THSD7B: variants seen among roughly 807,000 people sequenced by gnomAD.
THSD7B encodes thrombospondin type-1 domain-containing protein 7B.
THSD7B carries 138 observed loss-of-function variants against 213.6 expected under a neutral mutation model. The observed-to-expected ratio is 0.65, with a 90% CI of 0.56 to 0.74. The LOEUF is 0.74. THSD7B is among the 30% of genes least tolerant of loss of function. The pLI is 0.00. For missense variants in THSD7B, 1,931 were observed against 1,991.5 expected, an observed-to-expected ratio of 0.97 and a Z score of 0.58; for synonymous variants, 742 against 687.0, an observed-to-expected ratio of 1.08 and a Z score of -1.25.
intron 3 of THSD7B, among the ~76,000 whole-genome samples, chr2:137,076,095 C>A (rs979189144): frequency 2.0e-5 from 3 of 152,160 alleles, no homozygotes; most frequent in Non-Finnish European, 4.4e-5. Context: ...CTGGGAGAAC[C>A]ACTGCTCTCT....
chr2:137,047,184 C>T (rs1361827085), intron 2 of THSD7B, among the ~76,000 whole-genome samples: 8 of 152,048 alleles, frequency 5.3e-5, no homozygotes, highest in Non-Finnish European at 8.8e-5. Context: ...CAATGGTCTG[C>T]GCCAAGGTTG....
chr2:137,313,894 T>A (rs147561885), intron 12 of THSD7B, among the ~76,000 whole-genome samples: 8,740 of 152,294 alleles, frequency 0.057, 993 homozygotes, highest in East Asian at 0.52. Flanking sequence ...TCTGATGGGC[T>A]TCCCTTTGAG....
At chr2:136,846,619 A>C (rs1462561331) in intron 1 of THSD7B, among the ~76,000 whole-genome samples, 1 of 152,176 alleles carries the variant, frequency 6.6e-6, no homozygotes, top group African/African-American at 2.4e-5. Context: ...ATTCATACAG[A>C]GTGCAGGCAA....
intron 12 of THSD7B, among the ~76,000 whole-genome samples, chr2:137,322,969 T>C (rs1406866636): frequency 6.6e-6 from 1 of 152,200 alleles, no homozygotes; most frequent in Non-Finnish European, 1.5e-5. Context: ...GGAAAGTCAT[T>C]CCAAAGCTCT....
At chr2:136,790,740 A>C (rs1167478402) in intron 1 of THSD7B, among the ~76,000 whole-genome samples, 1 of 152,118 alleles carries the variant, frequency 6.6e-6, no homozygotes, top group African/African-American at 2.4e-5. Flanking sequence ...CAGAGAAAAA[A>C]TACAGATCAA....
chr2:137,438,938 G>A (rs972097626), intron 14 of THSD7B, among the ~76,000 whole-genome samples: 1 of 152,014 alleles, frequency 6.6e-6, no homozygotes, highest in Non-Finnish European at 1.5e-5. Flanking sequence ...CCTTACAAGA[G>A]AAAAGAGAAA....
At chr2:137,262,419 C>A (rs1383370160) in intron 10 of THSD7B, among the ~76,000 whole-genome samples, 1 of 151,630 alleles carries the variant, frequency 6.6e-6, no homozygotes, top group Admixed American at 6.6e-5. Context: ...GCTATAGTCA[C>A]TCCCTCTGCT....
intron 17 of THSD7B, among the ~76,000 whole-genome samples, chr2:137,598,847 C>CT (rs1255020501): frequency 1.3e-5 from 2 of 148,412 alleles, no homozygotes; most frequent in African/African-American, 2.5e-5. Context: ...TTCCTCCCTT[C>CT]TTTTTTTTCT....
intron 1 of THSD7B, among the ~76,000 whole-genome samples, chr2:136,845,420 T>A (rs900714741): frequency 3.3e-5 from 5 of 152,194 alleles, no homozygotes; most frequent in Non-Finnish European, 5.9e-5. Context: ...TTTTTCTTTT[T>A]AACTTTGCAG....
In THSD7B at chr2:137,667,808, A is replaced by G. The variant is rs766270257; in HGVS notation, c.4686A>G (p.Ser1562=). ...TAAAAATTTGGGTTTATGGCGTTTC[A>G]GGTGGCGCTTTTCTCATCATGATTT... ...GRVKIWVYGV[S]GGAFLIMIFL... is the part of the protein sequence containing the mutation. Residue 1562 remains serine, a synonymous_variant, in exon 27 of 28, where the codon TCA becomes TCG. Transcript: ENST00000409968. The G allele has an allele frequency of 6.8e-6, 11 of 1,606,306 alleles. No individual in the cohort carries two copies. The Admixed American group carries it at 1.4e-4, about 20-fold the overall frequency.
At chr2:137,577,808 T>C (rs1681494802) in intron 17 of THSD7B, among the ~76,000 whole-genome samples, 1 of 152,158 alleles carries the variant, frequency 6.6e-6, no homozygotes, top group South Asian at 2.1e-4. Flanking sequence ...AGTATAATTC[T>C]ATACCTTGTA....
chr2:137,417,246 G>T (rs548702344), intron 14 of THSD7B, among the ~76,000 whole-genome samples: 1 of 152,112 alleles, frequency 6.6e-6, no homozygotes, highest in Admixed American at 6.5e-5. Flanking sequence ...AGAAAGTTTA[G>T]ATTTGCTGTG....
intron 2 of THSD7B, among the ~76,000 whole-genome samples, chr2:136,924,666 A>T (rs1165569501): frequency 6.6e-6 from 1 of 152,140 alleles, no homozygotes; most frequent in Non-Finnish European, 1.5e-5. Flanking sequence ...GCATGGTCTC[A>T]TGAAATTCTA....
intron 1 of THSD7B, among the ~76,000 whole-genome samples, chr2:136,800,456 C>T (rs1427304656): frequency 6.6e-6 from 1 of 151,904 alleles, no homozygotes; most frequent in African/African-American, 2.4e-5. Flanking sequence ...ATAGTATCTT[C>T]CCCACAAAGA....
At chr2:136,845,034 A>G (rs1216141202) in intron 1 of THSD7B, among the ~76,000 whole-genome samples, 2 of 152,340 alleles carry the variant, frequency 1.3e-5, no homozygotes, top group Admixed American at 6.5e-5. Flanking sequence ...CTTCTAGATA[A>G]CTGGAAGTTG....
At chr2:137,086,104 T>TG (rs1687836550) in intron 3 of THSD7B, among the ~76,000 whole-genome samples, 1 of 152,146 alleles carries the variant, frequency 6.6e-6, no homozygotes, top group Non-Finnish European at 1.5e-5. Flanking sequence ...CCCAGCACTT[T>TG]GGGAGGCCAA....
At chr2:136,921,783 T>C (rs1465874443) in intron 2 of THSD7B, among the ~76,000 whole-genome samples, 1 of 152,166 alleles carries the variant, frequency 6.6e-6, no homozygotes, top group Non-Finnish European at 1.5e-5. Flanking sequence ...GTCGTTTTCA[T>C]TACAGTCAAA....
At chr2:137,023,685 A>G (rs1328085079) in intron 2 of THSD7B, among the ~76,000 whole-genome samples, 1 of 151,896 alleles carries the variant, frequency 6.6e-6, no homozygotes, top group Non-Finnish European at 1.5e-5. Flanking sequence ...AATAAGATAA[A>G]AGGCCCGAGG....
chr2:137,485,339 C>T (rs28886879), intron 15 of THSD7B, among the ~76,000 whole-genome samples: 79 of 150,690 alleles, frequency 5.2e-4, no homozygotes, highest in African/African-American at 1.7e-3. Context: ...TGTAGATATG[C>T]GGCATTATTT....
Sources: gnomAD v4.1 joint callset for allele counts (sites outside exome capture counted in the v4.1 genomes callset) on GRCh38, gnomAD v4.1.1 for gene constraint, MANE v1.5 for transcripts, NCBI Gene and HGNC (gene_info 2026-07-23, HGNC 2026-07-21) for gene names.